Variants in TCF7L1 observed in about 807,000 individuals in gnomAD.
The protein encoded by TCF7L1 is transcription factor 7-like 1.
TCF7L1 carries 18 observed loss-of-function variants against 63.7 expected under a neutral mutation model. The ratio of observed to expected loss-of-function variants is 0.28; its 90% CI spans 0.20 to 0.42. The LOEUF (loss-of-function observed/expected upper bound fraction) is 0.42, where lower values mean the gene tolerates loss of function less well. Ranked by LOEUF, TCF7L1 falls within the 10% of genes least tolerant of loss-of-function variation. The pLI is 1.00. For missense variants in TCF7L1, 654 were observed against 779.3 expected, an observed-to-expected ratio of 0.84 and a Z score of 1.91; for synonymous variants, 355 against 340.9, an observed-to-expected ratio of 1.04 and a Z score of -0.46.
intron 3 of TCF7L1, among the ~76,000 whole-genome samples, chr2:85,179,235 T>G (rs1467800300): frequency 2.6e-5 from 4 of 152,230 alleles, no homozygotes; most frequent in Admixed American, 1.3e-4. Flanking sequence ...ACCTGTGGTT[T>G]GTTTCCTATT....
At chr2:85,228,785 G>A (rs1680009399) in intron 3 of TCF7L1, among the ~76,000 whole-genome samples, 1 of 151,734 alleles carries the variant, frequency 6.6e-6, no homozygotes, top group Non-Finnish European at 1.5e-5. Flanking sequence ...GGAGGCCGAG[G>A]CGGGCAGATC....
At chr2:85,217,698 A>G (rs1679741370) in intron 3 of TCF7L1, among the ~76,000 whole-genome samples, 1 of 152,182 alleles carries the variant, frequency 6.6e-6, no homozygotes, top group South Asian at 2.1e-4. Context: ...GTATAGGCCA[A>G]GTATCCCTTA....
intron 3 of TCF7L1, among the ~76,000 whole-genome samples, chr2:85,241,449 T>TG (rs1680327988): frequency 7.3e-6 from 1 of 136,640 alleles, no homozygotes; most frequent in South Asian, 2.4e-4. Context: ...TTTTTTTTTT[T>TG]TTTTTTTTTT....
intron 4 of TCF7L1, among the ~76,000 whole-genome samples, chr2:85,291,913 C>T (rs866144494): frequency 2.6e-5 from 4 of 151,086 alleles, no homozygotes; most frequent in African/African-American, 9.7e-5. Flanking sequence ...ACTATATGGC[C>T]CAAGCTGGTC....
chr2:85,178,138 A>G (rs1226198074), intron 3 of TCF7L1, among the ~76,000 whole-genome samples: 1 of 152,228 alleles, frequency 6.6e-6, no homozygotes, highest in Non-Finnish European at 1.5e-5. Flanking sequence ...ACGCTCCCAG[A>G]GACGTCTCCA....
chr2:85,260,444 C>T (rs1031823075), intron 3 of TCF7L1, among the ~76,000 whole-genome samples: 3 of 151,862 alleles, frequency 2.0e-5, no homozygotes, highest in African/African-American at 7.3e-5. Context: ...CGAGACCAGC[C>T]TGGGCAACAT....
intron 3 of TCF7L1, among the ~76,000 whole-genome samples, chr2:85,161,134 C>G (rs72932649): frequency 0.045 from 6,857 of 152,164 alleles, 453 homozygotes; most frequent in African/African-American, 0.15. Flanking sequence ...GCCCTGATTA[C>G]TGTAACAGCT....
At chr2:85,175,352 C>T (rs1281342602) in intron 3 of TCF7L1, among the ~76,000 whole-genome samples, 2 of 152,178 alleles carry the variant, frequency 1.3e-5, no homozygotes, top group Non-Finnish European at 2.9e-5. Flanking sequence ...AAATTTGAAC[C>T]ATGGATTTCC....
intron 3 of TCF7L1, among the ~76,000 whole-genome samples, chr2:85,154,564 G>T (rs761297395): frequency 6.6e-6 from 1 of 152,164 alleles, no homozygotes; most frequent in Non-Finnish European, 1.5e-5. Context: ...CCATGCGTAA[G>T]TCTCACCTCA....
intron 3 of TCF7L1, among the ~76,000 whole-genome samples, chr2:85,214,589 G>A (rs182065708): frequency 5.9e-5 from 9 of 152,320 alleles, no homozygotes; most frequent in South Asian, 2.1e-4. Context: ...TACCTTGGGG[G>A]CAGAGGAATG....
At chr2:85,265,380 C>G (rs1447482900) in intron 3 of TCF7L1, among the ~76,000 whole-genome samples, 2 of 152,112 alleles carry the variant, frequency 1.3e-5, no homozygotes, top group African/African-American at 4.8e-5. Context: ...GTTTTTAAAG[C>G]TCCTCCCAGC....
chr2:85,239,994 T>C (rs1573005285), intron 3 of TCF7L1, among the ~76,000 whole-genome samples: 2 of 147,518 alleles, frequency 1.4e-5, no homozygotes, highest in African/African-American at 5.1e-5. Context: ...AGGAAGCAAG[T>C]AAATTAATTT....
chr2:85,180,136 C>G (rs182876389), intron 3 of TCF7L1, among the ~76,000 whole-genome samples: 1 of 150,712 alleles, frequency 6.6e-6, no homozygotes, highest in Non-Finnish European at 1.5e-5. Context: ...AGAAGATCTC[C>G]TTTGAGAGAT....
chr2:85,243,363 C>T (rs867725341), intron 3 of TCF7L1, among the ~76,000 whole-genome samples: 2 of 152,060 alleles, frequency 1.3e-5, no homozygotes, highest in African/African-American at 4.8e-5. Flanking sequence ...AACTCAGGTG[C>T]GGCTCTTAAG....
At chr2:85,175,002 G>A (rs111906286) in intron 3 of TCF7L1, among the ~76,000 whole-genome samples, 8 of 152,198 alleles carry the variant, frequency 5.3e-5, no homozygotes, top group African/African-American at 1.4e-4. Context: ...CTTTGATATC[G>A]TTGATTTGCC....
chr2:85,217,468 C>T (rs1679735144), intron 3 of TCF7L1, among the ~76,000 whole-genome samples: 1 of 152,164 alleles, frequency 6.6e-6, no homozygotes, highest in African/African-American at 2.4e-5. Context: ...CATGTCGCAG[C>T]ATAGGGTGTC....
intron 3 of TCF7L1, among the ~76,000 whole-genome samples, chr2:85,263,147 T>C (rs962773018): frequency 6.6e-6 from 1 of 152,176 alleles, no homozygotes; most frequent in African/African-American, 2.4e-5. Context: ...GGCAAAAGAC[T>C]TGGGGGCATA....
Position 85,300,946 on chromosome 2 carries a change from A to C in TCF7L1, c.526-1538A>C, listed in dbSNP as rs577542475. On this transcript the variant is annotated intron_variant, in intron 4 of 11. Transcript: ENST00000282111. ...AGGCACACGCCACCATGCCCGGCTA[A>C]TTTTTGTATTTTTAGTAGAGACAGG... Among the ~76,000 whole-genome samples the C allele has an allele frequency of 1.3e-4, 19 of 151,978 alleles. No homozygotes were observed. In the East Asian group the frequency reaches 3.7e-3, roughly 29 times the overall value.
At chr2:85,226,157 G>T (rs536110327) in intron 3 of TCF7L1, among the ~76,000 whole-genome samples, 41 of 152,314 alleles carry the variant, frequency 2.7e-4, no homozygotes, top group Non-Finnish European at 4.7e-4. Flanking sequence ...GCTTTCTGAT[G>T]TGCTGCTGGA....
Sources: gnomAD v4.1 joint callset for allele counts (sites outside exome capture counted in the v4.1 genomes callset) on GRCh38, gnomAD v4.1.1 for gene constraint, MANE v1.5 for transcripts, NCBI Gene and HGNC (gene_info 2026-07-23, HGNC 2026-07-21) for gene names.